Variants in KAZN observed in about 807,000 individuals in gnomAD.
The protein encoded by KAZN is kazrin.
In KAZN, 40 loss-of-function variants were observed where a neutral mutation model predicts 87.4. The observed-to-expected ratio is 0.46, with a 90% CI of 0.36 to 0.60. The LOEUF (loss-of-function observed/expected upper bound fraction) is 0.60, where lower values mean the gene tolerates loss of function less well. KAZN is among the 20% of genes least tolerant of loss of function. The pLI is 0.00. For missense variants in KAZN, 898 were observed against 1,073.9 expected (o/e 0.84, Z 2.29); for synonymous variants, 466 against 458.3 (o/e 1.02, Z -0.22).
At chr1:14,495,573 C>T (rs1571792130) in intron 2 of KAZN, among the ~76,000 whole-genome samples, 1 of 73,304 alleles carries the variant, frequency 1.4e-5, no homozygotes, top group South Asian at 3.8e-4. Flanking sequence ...TTCTTGAATT[C>T]CCAATGATTG....
chr1:14,536,968 T>C (rs180824352), intron 2 of KAZN, among the ~76,000 whole-genome samples: 1 of 152,296 alleles, frequency 6.6e-6, no homozygotes, highest in Admixed American at 6.5e-5. Flanking sequence ...CATCTCCTGG[T>C]ACAATAGATG....
At chr1:15,063,367 C>T in intron 6 of KAZN, 1 of 592,758 alleles carries the variant, frequency 1.7e-6, no homozygotes, top group Non-Finnish European at 3.0e-6. Flanking sequence ...ACCCCAGGAA[C>T]TCTAGGGAAA....
chr1:14,610,300 C>T (rs1165675359), intron 1 of KAZN, among the ~76,000 whole-genome samples: 2 of 152,160 alleles, frequency 1.3e-5, no homozygotes, highest in Admixed American at 6.5e-5. Context: ...CTCCGCCTCC[C>T]GGGTTCACAC....
At chr1:14,658,257 C>T (rs7554656) in intron 1 of KAZN, among the ~76,000 whole-genome samples, 30,152 of 152,072 alleles carry the variant, frequency 0.2, 3,108 homozygotes, top group South Asian at 0.27. Flanking sequence ...TTCAAATTCT[C>T]AGTGCCTAGT....
At chr1:14,127,404 T>G (rs934705642) in intron 1 of KAZN, among the ~76,000 whole-genome samples, 4 of 151,712 alleles carry the variant, frequency 2.6e-5, no homozygotes, top group Non-Finnish European at 4.4e-5. Context: ...CTGTTGTTTT[T>G]TTTTTTTTTT....
intron 13 of KAZN, among the ~76,000 whole-genome samples, chr1:15,109,649 ATGTTTGTGTATG>A (rs1641419586): frequency 3.4e-5 from 1 of 29,570 alleles, no homozygotes; most frequent in African/African-American, 1.4e-4. Flanking sequence ...GTGTGTTTGT[ATGTTTGTGTATG>A]TGTTTATATG....
intron 1 of KAZN, among the ~76,000 whole-genome samples, chr1:13,916,831 G>A (rs1272575007): frequency 6.6e-6 from 1 of 152,096 alleles, no homozygotes; most frequent in Non-Finnish European, 1.5e-5. Context: ...CCTTGCTGGG[G>A]GAGCAGAATG....
chr1:14,313,476 T>C (rs1010041963), intron 2 of KAZN, among the ~76,000 whole-genome samples: 4 of 152,196 alleles, frequency 2.6e-5, no homozygotes, highest in African/African-American at 9.6e-5. Context: ...AACTTTTCCT[T>C]TCTATGAAGG....
intron 2 of KAZN, among the ~76,000 whole-genome samples, chr1:14,423,868 A>G (rs144852143): frequency 3.7e-4 from 56 of 152,342 alleles, no homozygotes; most frequent in Admixed American, 6.5e-4. Context: ...GAGACAATGT[A>G]AGGCTGGGAC....
At chr1:15,089,732 CAAAAAAAAAAAAAAAAAA>C (rs56260619) in intron 8 of KAZN, among the ~76,000 whole-genome samples, 6 of 68,914 alleles carry the variant, frequency 8.7e-5, no homozygotes, top group Non-Finnish European at 1.2e-4. Flanking sequence ...CTTTTATTGG[CAAAAAAAAAAAAAAAAAA>C]AAAAAAAAAA....
At chr1:14,801,572 C>T (rs1278152314) in intron 1 of KAZN, among the ~76,000 whole-genome samples, 1 of 152,154 alleles carries the variant, frequency 6.6e-6, no homozygotes, top group Non-Finnish European at 1.5e-5. Context: ...TTTACCATGC[C>T]CTGGGCTTCC....
At chr1:14,966,955 C>T (rs1461991382) in intron 2 of KAZN, among the ~76,000 whole-genome samples, 1 of 152,212 alleles carries the variant, frequency 6.6e-6, no homozygotes, top group Non-Finnish European at 1.5e-5. Flanking sequence ...AGGCATGAGC[C>T]ACTGCACCCG....
At chr1:14,112,710 TAGA>T (rs1644526936) in intron 1 of KAZN, among the ~76,000 whole-genome samples, 1 of 152,306 alleles carries the variant, frequency 6.6e-6, no homozygotes, top group African/African-American at 2.4e-5. Flanking sequence ...TGGCTGGTAG[TAGA>T]AGAAGTCAGA....
intron 1 of KAZN, among the ~76,000 whole-genome samples, chr1:13,961,308 T>TAC (rs2101024768): frequency 6.6e-6 from 1 of 152,262 alleles, no homozygotes; most frequent in Admixed American, 6.5e-5. Context: ...GACACACGTA[T>TAC]ACACACACAC....
chr1:13,900,986 G>A (rs1050056007), intron 1 of KAZN, among the ~76,000 whole-genome samples: 7 of 151,550 alleles, frequency 4.6e-5, no homozygotes, highest in African/African-American at 7.3e-5. Context: ...ATTCCTTCTG[G>A]TCATGTCTTC....
rs550522371 is a variant in KAZN at position 14,160,455 on chromosome 1, C to A, written c.92-19980C>A. ...CTGCTGCAGGGAGGAGGGTGAGGGGCTGGAAGGAGGGGGCTTGGGAGAGGA... is the reference window on the plus strand; with the variant it reads ...CTGCTGCAGGGAGGAGGGTGAGGGGATGGAAGGAGGGGGCTTGGGAGAGGA... On this transcript the variant is annotated intron_variant, in intron 1 of 16. Transcript: ENST00000636203. Among the ~76,000 whole-genome samples the A allele has an allele frequency of 3.3e-5, 5 of 152,288 alleles. No homozygotes were observed. In the South Asian group the frequency reaches 1.0e-3, roughly 32 times the overall value.
chr1:14,802,572 C>T (rs1646071214), intron 1 of KAZN, among the ~76,000 whole-genome samples: 1 of 152,052 alleles, frequency 6.6e-6, no homozygotes, highest in African/African-American at 2.4e-5. Context: ...CGGAACAGCC[C>T]CCATAACAGA....
intron 2 of KAZN, among the ~76,000 whole-genome samples, chr1:14,426,676 G>T (rs1665748318): frequency 6.6e-6 from 1 of 152,110 alleles, no homozygotes; most frequent in Non-Finnish European, 1.5e-5. Flanking sequence ...AGCCTGCAGG[G>T]CCCGGGTAGT....
At chr1:13,984,232 G>A (rs1391377823) in intron 1 of KAZN, among the ~76,000 whole-genome samples, 2 of 152,076 alleles carry the variant, frequency 1.3e-5, no homozygotes, top group Non-Finnish European at 1.5e-5. Flanking sequence ...GGATGGTCTT[G>A]ATCTTCTGAC....
Sources: allele counts gnomAD v4.1 joint callset (sites outside exome capture counted in the v4.1 genomes callset), GRCh38; gene constraint gnomAD v4.1.1; transcripts MANE v1.5; gene names NCBI Gene and HGNC (gene_info 2026-07-23, HGNC 2026-07-21).